The following SLC44A1 variants were observed in gnomAD, a reference collection of about 807,000 sequenced individuals.
SLC44A1 encodes solute carrier family 44 member 1, also known as choline transporter-like protein 1.
Under a neutral mutation model 79.3 loss-of-function variants are expected in SLC44A1, and 26 were observed. The observed-to-expected ratio is 0.33, with a 90% CI of 0.24 to 0.46. The LOEUF (loss-of-function observed/expected upper bound fraction) is 0.46, where lower values mean the gene tolerates loss of function less well. Among genes scored for constraint, SLC44A1 ranks in the 20% least tolerant of loss-of-function variants. SLC44A1 has a pLI of 1.00. For missense variants in SLC44A1, 688 were observed against 798.1 expected, an observed-to-expected ratio of 0.86 and a Z score of 1.66; for synonymous variants, 263 against 286.2, an observed-to-expected ratio of 0.92 and a Z score of 0.82.
chr9:105,352,835 G>C (rs772838933), intron 5 of SLC44A1, among the ~76,000 whole-genome samples: 2 of 152,036 alleles, frequency 1.3e-5, no homozygotes, highest in Non-Finnish European at 2.9e-5. Flanking sequence ...TCAATGACTC[G>C]ATTATTACTT....
chr9:105,436,429 A>G (rs1188924660), intron 15 of SLC44A1, among the ~76,000 whole-genome samples: 2 of 152,108 alleles, frequency 1.3e-5, no homozygotes, highest in African/African-American at 2.4e-5. Context: ...AAATCATAAA[A>G]ATGGAGTAGC....
Position 105,395,289 on chromosome 9 carries a change from G to A in SLC44A1, c.*6233G>A, listed in dbSNP as rs557652209. 415 of 652,598 alleles carry A rather than the reference G, an allele frequency of 6.4e-4. 2 individuals are homozygous for A. Among genetic ancestry groups the A allele is most frequent in the Non-Finnish European group, 7.7e-4 (408 of 526,544 alleles). 40.4% of individuals were successfully genotyped at this position (652,598 alleles called of 1,614,324 possible). The stretch of plus-strand genomic sequence containing the variant: ...CTTAGAGTGCAGTGGCTCAATCTTA[G>A]CTCACTGCAACCTCCACCTCCCAGG... On this transcript the variant is annotated 3_prime_UTR_variant, in exon 16 of 16. Transcript: ENST00000374720.
Position 105,395,773 on chromosome 9 carries a change from A to AG in SLC44A1, c.*6718dup. 2 of 985,214 alleles carry AG rather than the reference A, an allele frequency of 2.0e-6. No individual in the cohort carries two copies. Among genetic ancestry groups the AG allele is most frequent in the Non-Finnish European group, 2.4e-6 (2 of 829,712 alleles). 61.0% of individuals were successfully genotyped at this position (985,214 alleles called of 1,614,324 possible). A position where few individuals can be genotyped will look rare whatever the true frequency, so the allele number is the denominator to read the frequency against. On this transcript the variant is annotated 3_prime_UTR_variant, in exon 16 of 16. Transcript: ENST00000374720. Reference sequence around the variant, plus strand: ...TGTTAAATCATATGAGTAAAAAAAAAGTAGACATTGAAAAGAAGACTTGGG... The same window carrying AG: ...TGTTAAATCATATGAGTAAAAAAAAAGGTAGACATTGAAAAGAAGACTTGGG...
At position 105,393,583 on chromosome 9, in the gene SLC44A1, T is replaced by G; in HGVS notation, c.*4527T>G. The stretch of plus-strand genomic sequence containing the variant: ...GAAAACTTTAATGCAGTTTTTAAAC[T>G]TACTGATTTCTGTGGAAAACCTTTC... On this transcript the variant is annotated 3_prime_UTR_variant, in exon 16 of 16. Transcript: ENST00000374720. The G allele has an allele frequency of 4.2e-6, 4 of 946,494 alleles. No individual in the cohort carries two copies. The highest frequency in any genetic ancestry group is 5.0e-6 in the Non-Finnish European group (4 of 794,522). The allele number at this position is 946,494 out of a possible 1,614,324, so 58.6% of individuals were successfully genotyped here.
chr9:105,283,578 CA>C (rs1472730784), intron 1 of SLC44A1, among the ~76,000 whole-genome samples: 1 of 152,134 alleles, frequency 6.6e-6, no homozygotes, highest in Non-Finnish European at 1.5e-5. Context: ...CTAATTTATT[CA>C]AGAATCAACT....
intron 5 of SLC44A1, among the ~76,000 whole-genome samples, chr9:105,350,201 G>C (rs953618272): frequency 6.6e-6 from 1 of 152,160 alleles, no homozygotes. Context: ...GTGCATCACA[G>C]TCTAAGTATG....
At chr9:105,333,285 G>A (rs1826810345) in intron 3 of SLC44A1, among the ~76,000 whole-genome samples, 1 of 152,044 alleles carries the variant, frequency 6.6e-6, no homozygotes, top group Non-Finnish European at 1.5e-5. Context: ...CTACTGTGAT[G>A]TGATTTCCCC....
At chr9:105,421,337 C>T (rs1180741616) in intron 15 of SLC44A1, among the ~76,000 whole-genome samples, 1 of 152,056 alleles carries the variant, frequency 6.6e-6, no homozygotes, top group African/African-American at 2.4e-5. Context: ...TCTTTAAATC[C>T]TTGTAAGAAT....
chr9:105,248,124 A>G (rs1294551309), intron 1 of SLC44A1, among the ~76,000 whole-genome samples: 2 of 152,230 alleles, frequency 1.3e-5, no homozygotes, highest in Non-Finnish European at 2.9e-5. Context: ...CTTTGAGGTA[A>G]TCTGCAGTTC....
intron 15 of SLC44A1, among the ~76,000 whole-genome samples, chr9:105,418,648 C>T (rs1829206268): frequency 6.6e-6 from 1 of 152,170 alleles, no homozygotes; most frequent in Non-Finnish European, 1.5e-5. Context: ...ATTTGCTCAC[C>T]ACTAGATGTG....
At chr9:105,327,696 C>T (rs1187249184) in intron 3 of SLC44A1, among the ~76,000 whole-genome samples, 2 of 152,228 alleles carry the variant, frequency 1.3e-5, no homozygotes, top group South Asian at 2.1e-4. Flanking sequence ...CTGCTCTGTT[C>T]CTGCGCTGTT....
Position 105,365,497 on chromosome 9 carries a change from T to G in SLC44A1, c.1268T>G (p.Leu423Trp), listed in dbSNP as rs769748442. 1 of 1,612,522 alleles carries G rather than the reference T, an allele frequency of 6.2e-7. No individual in the cohort carries two copies. Among genetic ancestry groups the G allele is most frequent in the South Asian group, 1.1e-5 (1 of 90,862 alleles). Residue 423 changes from leucine (L) to tryptophan (W), a missense_variant, in exon 11 of 16, where the codon TTG becomes TGG. Physicochemically the swap from Leu to Trp is moderately conservative, Grantham distance 61. Transcript: ENST00000374720. ...TTTTTAAATAGGGATAAAAGGAATT[T>G]GCCATTTACACCTATTTTGGCATCA... ...TYYFTRDKRN[L>W]PFTPILASVN...
intron 15 of SLC44A1, among the ~76,000 whole-genome samples, chr9:105,430,746 T>G (rs1444115316): frequency 6.6e-6 from 1 of 152,184 alleles, no homozygotes; most frequent in African/African-American, 2.4e-5. Context: ...GTACACAAGT[T>G]TTTGTGCGGA....
chr9:105,435,448 G>GT (rs534192377), intron 15 of SLC44A1, among the ~76,000 whole-genome samples: 17 of 152,060 alleles, frequency 1.1e-4, no homozygotes, highest in Admixed American at 3.3e-4. Flanking sequence ...GTTAGGGGCT[G>GT]TTTTTTGGAC....
chr9:105,359,536 A>G (rs1419725722), intron 7 of SLC44A1, among the ~76,000 whole-genome samples: 2 of 152,230 alleles, frequency 1.3e-5, no homozygotes, highest in African/African-American at 2.4e-5. Context: ...GATCACATCT[A>G]TAAAGGACTT....
rs764249322 is a variant in SLC44A1 at position 105,356,309 on chromosome 9, G to A, written c.598G>A (p.Val200Ile). 3 of 1,612,638 alleles carry A rather than the reference G, an allele frequency of 1.9e-6. No individual in the cohort carries two copies. Among genetic ancestry groups the A allele is most frequent in the Non-Finnish European group, 1.7e-6 (2 of 1,178,878 alleles). ...GATCACCTTTGTCAGTGACAATAGT[G>A]TCTTACACAGGCTGATTAGTGGAGT... is the stretch of plus-strand genomic sequence containing the variant. ...ALITFVSDNS[V>I]LHRLISGVMT... The change falls in exon 6 of 16, where the codon GTC becomes ATC. Residue 200 changes from valine to isoleucine, a missense_variant. Coordinates refer to ENST00000374720, the MANE Select transcript of SLC44A1 (RefSeq NM_080546.5).
intron 1 of SLC44A1, among the ~76,000 whole-genome samples, chr9:105,283,229 A>G (rs1267941260): frequency 6.6e-6 from 1 of 152,196 alleles, no homozygotes; most frequent in African/African-American, 2.4e-5. Context: ...TTATCCAAAG[A>G]TAGTAAGGCA....
chr9:105,364,218 A>G (rs1827873242), intron 9 of SLC44A1, among the ~76,000 whole-genome samples: 1 of 152,260 alleles, frequency 6.6e-6, no homozygotes, highest in Non-Finnish European at 1.5e-5. Context: ...TACTTTGCTA[A>G]GAAATCTGTA....
At chr9:105,316,029 C>T (rs1333279397) in intron 3 of SLC44A1, among the ~76,000 whole-genome samples, 3 of 152,148 alleles carry the variant, frequency 2.0e-5, no homozygotes, top group South Asian at 4.1e-4. Flanking sequence ...TTGAAAAAAG[C>T]GTTTGGTTAA....
Sources: allele counts gnomAD v4.1 joint callset (sites outside exome capture counted in the v4.1 genomes callset), GRCh38; gene constraint gnomAD v4.1.1; transcripts MANE v1.5; gene names NCBI Gene and HGNC (gene_info 2026-07-23, HGNC 2026-07-21).